The following CNTN5 variants were observed in gnomAD, a reference collection of about 807,000 sequenced individuals.
The protein encoded by CNTN5 is contactin-5.
Under a neutral mutation model 129.1 loss-of-function variants are expected in CNTN5, and 77 were observed. The ratio of observed to expected loss-of-function variants is 0.60; its 90% CI spans 0.50 to 0.72. The LOEUF (loss-of-function observed/expected upper bound fraction) is 0.72. Among genes scored for constraint, CNTN5 ranks in the 30% least tolerant of loss-of-function variants. The pLI, the probability that CNTN5 is intolerant of heterozygous loss-of-function variation, is 0.00. For synonymous variants in CNTN5, 509 were observed against 465.6 expected (o/e 1.09, Z -1.20); for missense variants, 1,478 against 1,328.8 (o/e 1.11, Z -1.75).
chr11:99,095,946 T>G (rs1866453966), intron 1 of CNTN5, among the ~76,000 whole-genome samples: 2 of 151,968 alleles, frequency 1.3e-5, no homozygotes, highest in African/African-American at 4.8e-5. Flanking sequence ...CTATTCTGTT[T>G]AAGTGCATTG....
At position 100,281,535 on chromosome 11, in the gene CNTN5, G is replaced by A. The variant is rs568190660; in HGVS notation, c.2314+10294G>A. On this transcript the variant is annotated intron_variant, in intron 18 of 24. Transcript: ENST00000524871. ...GATCTTTTCTTTATCCTTGAGCTTTGGAAGTTTGATTATTAACTGTCTTGA... is the reference window on the plus strand; with the variant it reads ...GATCTTTTCTTTATCCTTGAGCTTTAGAAGTTTGATTATTAACTGTCTTGA... Among the ~76,000 whole-genome samples the A allele has an allele frequency of 2.9e-4, 44 of 151,918 alleles. No homozygotes were observed. The South Asian group carries it at 3.7e-3, about 13-fold the overall frequency.
chr11:99,869,968 G>A (rs1171513738), intron 6 of CNTN5, among the ~76,000 whole-genome samples: 2 of 152,024 alleles, frequency 1.3e-5, no homozygotes, highest in African/African-American at 2.4e-5. Flanking sequence ...GATGCTGTCT[G>A]GAAATGGAAA....
intron 4 of CNTN5, among the ~76,000 whole-genome samples, chr11:99,821,893 A>T (rs892218622): frequency 2.0e-5 from 3 of 152,092 alleles, no homozygotes; most frequent in Non-Finnish European, 4.4e-5. Context: ...ATCTAGTTTA[A>T]TCCATATTTT....
chr11:99,674,884 C>T lies in CNTN5; in HGVS notation c.55+118615C>T, dbSNP rs149873421. Among the ~76,000 whole-genome samples, 399 of 152,070 alleles carry T rather than the reference C, an allele frequency of 2.6e-3. 2 individuals are homozygous for T. The highest frequency in any genetic ancestry group is 8.0e-3 in the African/African-American group (333 of 41,508). On this transcript the variant is annotated intron_variant, in intron 3 of 24. Transcript: ENST00000524871. Reference sequence around the variant, plus strand: ...CTTATATAAACTTCCCCTTTTTGCCCTTGCTCTGAGCTTTCTCTTACCCTT... The same window carrying T: ...CTTATATAAACTTCCCCTTTTTGCCTTTGCTCTGAGCTTTCTCTTACCCTT...
At chr11:99,942,210 A>G (rs2136115236) in intron 7 of CNTN5, among the ~76,000 whole-genome samples, 1 of 152,204 alleles carries the variant, frequency 6.6e-6, no homozygotes, top group South Asian at 2.1e-4. Context: ...CAGTAAGTGT[A>G]TGACAGAGTT....
At chr11:99,070,410 G>A (rs1490678871) in intron 1 of CNTN5, among the ~76,000 whole-genome samples, 1 of 151,970 alleles carries the variant, frequency 6.6e-6, no homozygotes, top group South Asian at 2.1e-4. Flanking sequence ...TAATAAAAAT[G>A]CAAGCAATAC....
intron 3 of CNTN5, among the ~76,000 whole-genome samples, chr11:99,636,667 A>T (rs1951567732): frequency 6.6e-6 from 1 of 152,026 alleles, no homozygotes; most frequent in African/African-American, 2.4e-5. Flanking sequence ...AAACTTGATC[A>T]GGCAACTCTT....
chr11:99,272,295 A>AGT (rs1256742043), intron 1 of CNTN5, among the ~76,000 whole-genome samples: 1 of 147,850 alleles, frequency 6.8e-6, no homozygotes, highest in African/African-American at 2.5e-5. Context: ...TTGAGTAAGC[A>AGT]GTCTTTTTTT....
intron 3 of CNTN5, among the ~76,000 whole-genome samples, chr11:99,779,648 G>A (rs1219873783): frequency 1.3e-5 from 2 of 151,816 alleles, no homozygotes; most frequent in Admixed American, 1.3e-4. Flanking sequence ...TGAGGAATAG[G>A]GTTATGATTC....
At chr11:99,563,924 A>AGTAGATTCAAGAGGTGGAAAT (rs1948923436) in intron 3 of CNTN5, among the ~76,000 whole-genome samples, 1 of 152,232 alleles carries the variant, frequency 6.6e-6, no homozygotes, top group Non-Finnish European at 1.5e-5. Flanking sequence ...GAGGTGGAAA[A>AGTAGATTCAAGAGGTGGAAAT]GTAGATTCAA....
intron 2 of CNTN5, among the ~76,000 whole-genome samples, chr11:99,339,982 G>T (rs1490628067): frequency 6.6e-6 from 1 of 152,104 alleles, no homozygotes; most frequent in Non-Finnish European, 1.5e-5. Context: ...GGTATATATA[G>T]CAAGCTGGTG....
intron 1 of CNTN5, among the ~76,000 whole-genome samples, chr11:99,145,039 A>C (rs892348476): frequency 1.1e-4 from 16 of 151,836 alleles, no homozygotes; most frequent in African/African-American, 3.6e-4. Context: ...ATTTCTTTCA[A>C]TTTTATGGAG....
chr11:99,327,503 G>A (rs1046476896), intron 2 of CNTN5, among the ~76,000 whole-genome samples: 2 of 152,144 alleles, frequency 1.3e-5, no homozygotes, highest in Non-Finnish European at 1.5e-5. Flanking sequence ...TGTGGAATCA[G>A]GTTTGGCAGA....
intron 2 of CNTN5, among the ~76,000 whole-genome samples, chr11:99,479,312 ATAAT>A (rs899158699): frequency 6.6e-6 from 1 of 151,914 alleles, no homozygotes; most frequent in African/African-American, 2.4e-5. Context: ...ATTATGAAAG[ATAAT>A]TTAATTTAAA....
intron 18 of CNTN5, among the ~76,000 whole-genome samples, chr11:100,284,957 G>C (rs2138833061): frequency 6.6e-6 from 1 of 152,328 alleles, no homozygotes; most frequent in Non-Finnish European, 1.5e-5. Context: ...TAGCAGGGTG[G>C]ACATAGGCAG....
At chr11:99,769,349 A>G (rs893256187) in intron 3 of CNTN5, among the ~76,000 whole-genome samples, 3 of 152,162 alleles carry the variant, frequency 2.0e-5, no homozygotes, top group African/African-American at 7.2e-5. Context: ...AGATATGCTC[A>G]TTGCTAGTGG....
intron 21 of CNTN5, chr11:100,309,500 T>A: frequency 1.0e-6 from 1 of 969,864 alleles, no homozygotes. Context: ...TATCATGGAC[T>A]TATTTCTACA....
At chr11:99,394,256 T>C (rs1941408479) in intron 2 of CNTN5, among the ~76,000 whole-genome samples, 1 of 151,686 alleles carries the variant, frequency 6.6e-6, no homozygotes, top group Non-Finnish European at 1.5e-5. Flanking sequence ...AAATATTTTA[T>C]GTTATGTTTG....
intron 13 of CNTN5, among the ~76,000 whole-genome samples, chr11:100,177,169 A>G (rs1383902239): frequency 1.3e-5 from 2 of 152,096 alleles, no homozygotes; most frequent in Admixed American, 1.3e-4. Context: ...AAAAAATTCA[A>G]TAGGCTTATC....
Sources: allele counts gnomAD v4.1 joint callset (sites outside exome capture counted in the v4.1 genomes callset), GRCh38; gene constraint gnomAD v4.1.1; transcripts MANE v1.5; gene names NCBI Gene and HGNC (gene_info 2026-07-23, HGNC 2026-07-21).